ZNF469: variants seen among roughly 807,000 people sequenced by gnomAD.
The protein encoded by ZNF469 is zinc finger protein 469.
Under a neutral mutation model 1.0 loss-of-function variants are expected in ZNF469, and 1 was observed. The ratio of observed to expected loss-of-function variants is 1.00; its 90% CI spans 0.35 to 4.73. ZNF469 has a LOEUF of 4.73. ZNF469 is among the 30% of genes most tolerant of loss of function. The pLI is 0.16. For synonymous variants in ZNF469, 2,703 were observed against 2,363.4 expected, an observed-to-expected ratio of 1.14 and a Z score of -4.17; for missense variants, 6,100 against 5,356.3, an observed-to-expected ratio of 1.14 and a Z score of -4.33.
chr16:88,224,365 T>A, the ZNF469 span, among the ~76,000 whole-genome samples: 1 of 152,220 alleles, frequency 6.6e-6, no homozygotes, highest in Admixed American at 6.5e-5. Context: ...GTGAGTGATT[T>A]CTTCCTGGTT....
At position 88,428,679 on chromosome 16, in the gene ZNF469, G is replaced by C; in HGVS notation, c.1209G>C (p.Gln403His). Residue 403 changes from glutamine (Q) to histidine (H), a missense_variant, in exon 3 of 3, where the codon CAG (glutamine) becomes CAC (histidine). Coordinates refer to ENST00000565624, the MANE Select transcript of ZNF469 (RefSeq NM_001367624.2). ...GAGGGCCCCCTAGCTCCCTACCCCA[G>C]AGGCACTTTCCAGGGCAGGCGTACA... ...STRGPPSSLP[Q>H]RHFPGQAYRA... 1 of 1,549,844 alleles carries C rather than the reference G, an allele frequency of 6.5e-7. No individual in the cohort carries two copies. Among genetic ancestry groups the C allele is most frequent in the Non-Finnish European group, 8.7e-7 (1 of 1,146,828 alleles).
chr16:88,114,068 C>G, the ZNF469 span, among the ~76,000 whole-genome samples: 1 of 152,222 alleles, frequency 6.6e-6, no homozygotes, highest in South Asian at 2.1e-4. Flanking sequence ...TGTCCCCCAC[C>G]CCCAGCTTCA....
At position 88,432,212 on chromosome 16, in the gene ZNF469, C is replaced by T. The variant is rs1906244250; in HGVS notation, c.4742C>T (p.Thr1581Ile). ...AGTCAGCTGCAAAGGAGCAAAGACA[C>T]ACGTGGGGCCCCGAGAGAGCTTGCA... ...LESQLQRSKD[T>I]RGAPRELAEA... Residue 1581 changes from threonine to isoleucine, a missense_variant, in exon 3 of 3, where the codon ACA becomes ATA. Transcript: ENST00000565624. The T allele has an allele frequency of 4.5e-6, 7 of 1,550,096 alleles. No individual in the cohort carries two copies.
chr16:88,132,821 C>T, the ZNF469 span, among the ~76,000 whole-genome samples: 5,066 of 151,868 alleles, frequency 0.033, no homozygotes, highest in African/African-American at 0.11. Flanking sequence ...TGGAGGCCTC[C>T]GCACAGCATC....
chr16:88,277,581 G>A, the ZNF469 span, among the ~76,000 whole-genome samples: 880 of 113,074 alleles, frequency 7.8e-3, 74 homozygotes, highest in African/African-American at 0.012. Flanking sequence ...ATCAGGGCAC[G>A]GTTAGTGCTG....
the ZNF469 span, among the ~76,000 whole-genome samples, chr16:88,182,688 T>G: frequency 6.8e-6 from 1 of 146,808 alleles, no homozygotes; most frequent in Admixed American, 7.0e-5. Context: ...GACATAAGTC[T>G]CCAAAAACAG....
the ZNF469 span, among the ~76,000 whole-genome samples, chr16:88,245,623 C>G: frequency 6.6e-6 from 1 of 152,256 alleles, no homozygotes; most frequent in Non-Finnish European, 1.5e-5. Context: ...CCTCCACAAG[C>G]CCAAATCCCG....
chr16:88,139,126 G>A, the ZNF469 span, among the ~76,000 whole-genome samples: 2 of 152,356 alleles, frequency 1.3e-5, no homozygotes, highest in South Asian at 2.1e-4. Flanking sequence ...AGGGTGTTTC[G>A]GAGATCCTGA....
At chr16:88,127,864 C>T in the ZNF469 span, among the ~76,000 whole-genome samples, 3 of 152,192 alleles carry the variant, frequency 2.0e-5, no homozygotes, top group Non-Finnish European at 4.4e-5. Flanking sequence ...TGTCTCCTCA[C>T]CTCAGTTAAG....
upstream of ZNF469, among the ~76,000 whole-genome samples, chr16:88,381,208 A>ACG (rs539504436): frequency 6.0e-4 from 79 of 130,596 alleles, no homozygotes; most frequent in South Asian, 0.011. Flanking sequence ...ATTCACAGAC[A>ACG]CACACACAGA....
chr16:88,433,487 G>A lies in ZNF469; in HGVS notation c.6017G>A (p.Gly2006Glu). 6.4e-7 allele frequency: 1 copy of A among 1,550,388 alleles called. No individual in the cohort carries two copies. Among genetic ancestry groups the A allele is most frequent in the Non-Finnish European group, 8.7e-7 (1 of 1,146,946 alleles). Residue 2006 changes from glycine to glutamate, a missense_variant, in exon 3 of 3, where the codon GGG becomes GAG. Coordinates refer to ENST00000565624, the MANE Select transcript of ZNF469 (RefSeq NM_001367624.2). ...GTANQLQPEN[G>E]VSPGGTDNHA... ...GCCAACCAGCTTCAGCCAGAGAACGGGGTGAGCCCAGGGGGCACGGACAAC... is the reference window on the plus strand; with the variant it reads ...GCCAACCAGCTTCAGCCAGAGAACGAGGTGAGCCCAGGGGGCACGGACAAC...
At chr16:88,365,241 T>C in the ZNF469 span, among the ~76,000 whole-genome samples, 3 of 152,186 alleles carry the variant, frequency 2.0e-5, no homozygotes, top group Non-Finnish European at 1.5e-5. Flanking sequence ...AGATATTAGT[T>C]GTGTTCAACT....
chr16:88,289,609 C>A, the ZNF469 span, among the ~76,000 whole-genome samples: 2 of 152,116 alleles, frequency 1.3e-5, no homozygotes, highest in Non-Finnish European at 2.9e-5. Context: ...ACTCATTTTA[C>A]AAATGAAGAA....
intron 1 of ZNF469, among the ~76,000 whole-genome samples, chr16:88,394,641 G>A (rs555659924): frequency 2.0e-4 from 31 of 152,138 alleles, no homozygotes; most frequent in Non-Finnish European, 4.3e-4. Context: ...CTCCTCTGCC[G>A]CCTGGTGAGC....
the ZNF469 span, among the ~76,000 whole-genome samples, chr16:88,300,793 G>A: frequency 1.1e-4 from 17 of 152,216 alleles, no homozygotes; most frequent in Non-Finnish European, 1.9e-4. Context: ...GGCCGGGTGC[G>A]GTGGCTCACG....
At chr16:88,159,745 G>A in the ZNF469 span, among the ~76,000 whole-genome samples, 8 of 152,014 alleles carry the variant, frequency 5.3e-5, no homozygotes, top group Middle Eastern at 3.4e-3. Context: ...CTCACCTCCC[G>A]TTGTGCAATG....
chr16:88,126,977 G>A, the ZNF469 span, among the ~76,000 whole-genome samples: 3 of 152,210 alleles, frequency 2.0e-5, no homozygotes, highest in South Asian at 2.1e-4. Context: ...ACGCCACCAC[G>A]CCCGGCTATT....
At chr16:88,170,240 C>G in the ZNF469 span, among the ~76,000 whole-genome samples, 57 of 152,324 alleles carry the variant, frequency 3.7e-4, no homozygotes, top group African/African-American at 1.2e-3. This position sits in a 1 kb window ranked among gnomAD's most constrained non-coding sequence, Gnocchi z 4.2. Flanking sequence ...CGAATGATTA[C>G]CACAATCCAG....
chr16:88,115,237 T>G, the ZNF469 span, among the ~76,000 whole-genome samples: 1 of 152,228 alleles, frequency 6.6e-6, no homozygotes, highest in Non-Finnish European at 1.5e-5. Flanking sequence ...GCCACTGTGT[T>G]TATTTTCAAG....
Sources: gnomAD v4.1 joint callset for allele counts (sites outside exome capture counted in the v4.1 genomes callset) on GRCh38, gnomAD v4.1.1 for gene constraint, Gnocchi (gnomAD v3.1) non-coding constraint, MANE v1.5 for transcripts, NCBI Gene and HGNC (gene_info 2026-07-23, HGNC 2026-07-21) for gene names.